LRRIQ1: variants seen among roughly 807,000 people sequenced by gnomAD.
LRRIQ1 encodes the protein leucine-rich repeat- and IQ domain-containing protein 1.
LRRIQ1 carries 210 observed loss-of-function variants against 211.9 expected under a neutral mutation model. The observed-to-expected ratio is 0.99, with a 90% CI of 0.89 to 1.11. LRRIQ1 has a LOEUF of 1.11. Ranked by LOEUF, LRRIQ1 falls within the 50% of genes most tolerant of loss-of-function variation. LRRIQ1 has a pLI of 0.00. For missense variants in LRRIQ1, 2,136 were observed against 1,939.5 expected, an observed-to-expected ratio of 1.10 and a Z score of -1.90; for synonymous variants, 699 against 650.1, an observed-to-expected ratio of 1.08 and a Z score of -1.14.
chr12:85,229,402 A>T (rs1894822848), intron 24 of LRRIQ1, 115 bp from the exon 25 acceptor site: 1 of 792,206 alleles, frequency 1.3e-6, no homozygotes, highest in African/African-American at 1.8e-5. Flanking sequence ...TTTAGCTCTC[A>T]TAAGTTAGTA....
intron 11 of LRRIQ1, among the ~76,000 whole-genome samples, chr12:85,080,566 AT>A (rs1178484948): frequency 6.6e-6 from 1 of 151,362 alleles, no homozygotes; most frequent in Non-Finnish European, 1.5e-5. Context: ...TTTTAACTCA[AT>A]TTACAGTTTC....
chr12:85,148,128 T>C (rs539255609), intron 19 of LRRIQ1, among the ~76,000 whole-genome samples: 1 of 152,004 alleles, frequency 6.6e-6, no homozygotes, highest in African/African-American at 2.4e-5. Flanking sequence ...TCCTCGGTTG[T>C]AATTTAAAGA....
At chr12:85,267,922 G>T (rs1018861084), downstream of LRRIQ1, among the ~76,000 whole-genome samples, 8 of 151,950 alleles carry the variant, frequency 5.3e-5, no homozygotes, top group African/African-American at 1.9e-4. Flanking sequence ...ATTAAGTTCA[G>T]ATTAATGTAT....
chr12:85,081,686 A>T (rs1884301014), intron 11 of LRRIQ1, among the ~76,000 whole-genome samples: 1 of 149,296 alleles, frequency 6.7e-6, no homozygotes, highest in Admixed American at 6.7e-5. Flanking sequence ...ATATTTGCTG[A>T]CATTTGTCAT....
intron 24 of LRRIQ1, among the ~76,000 whole-genome samples, chr12:85,205,231 A>T (rs1893484388): frequency 6.6e-6 from 1 of 152,292 alleles, no homozygotes; most frequent in East Asian, 1.9e-4. Flanking sequence ...AAATCCAATT[A>T]AACCTCTTTC....
At chr12:85,080,695 A>G (rs1299731640) in intron 11 of LRRIQ1, among the ~76,000 whole-genome samples, 4 of 148,450 alleles carry the variant, frequency 2.7e-5, no homozygotes, top group Non-Finnish European at 6.0e-5. Context: ...TTGACATTCA[A>G]TTTGCATTTT....
intron 14 of LRRIQ1, 41 bp from the exon 15 acceptor site, chr12:85,106,481 A>C (rs745486939): frequency 7.3e-7 from 1 of 1,362,164 alleles, no homozygotes; most frequent in Non-Finnish European, 1.0e-6. Flanking sequence ...TTTGTTCTAA[A>C]TCTGTGATGA....
intron 15 of LRRIQ1, among the ~76,000 whole-genome samples, chr12:85,109,485 T>A (rs1373245074): frequency 6.6e-6 from 1 of 152,190 alleles, no homozygotes; most frequent in African/African-American, 2.4e-5. Flanking sequence ...CTGGCATGTT[T>A]CCACGTTTTA....
intron 24 of LRRIQ1, among the ~76,000 whole-genome samples, chr12:85,192,576 A>C (rs1892600612): frequency 8.5e-6 from 1 of 117,200 alleles, no homozygotes; most frequent in Non-Finnish European, 1.6e-5. Flanking sequence ...ATATATAAAT[A>C]TATAGTTATA....
At chr12:85,176,364 G>C (rs1891698549) in intron 24 of LRRIQ1, among the ~76,000 whole-genome samples, 1 of 151,956 alleles carries the variant, frequency 6.6e-6, no homozygotes, top group African/African-American at 2.4e-5. Flanking sequence ...TTTGTATCAT[G>C]AGAGTTTGCT....
intron 7 of LRRIQ1, among the ~76,000 whole-genome samples, chr12:85,054,336 A>G (rs1221140071): frequency 6.6e-6 from 1 of 152,176 alleles, no homozygotes; most frequent in Admixed American, 6.5e-5. Flanking sequence ...CAGAGGCAAA[A>G]AGACACACCA....
Position 85,152,504 on chromosome 12 carries a change from C to T in LRRIQ1, c.4419+135C>T, listed in dbSNP as rs1295065092. The T allele has an allele frequency of 9.7e-6, 5 of 517,594 alleles. No individual in the cohort carries two copies. In the Admixed American group the frequency reaches 1.9e-4, roughly 20 times the overall value. 32.1% of individuals were successfully genotyped at this position (517,594 alleles called of 1,614,324 possible). On this transcript the variant is annotated intron_variant, in intron 20 of 26. Transcript: ENST00000393217. ...TTTTAGAAGCCTCTGACTTCCTCCT[C>T]ATCCCCAGATGTAATTTTTCATGTA...
intron 23 of LRRIQ1, among the ~76,000 whole-genome samples, chr12:85,155,654 T>C (rs1890502152): frequency 6.6e-6 from 1 of 151,636 alleles, no homozygotes; most frequent in Non-Finnish European, 1.5e-5. Context: ...AATTATGACA[T>C]AGTTGTATTC....
At position 85,056,123 on chromosome 12, in the gene LRRIQ1, G is replaced by A. The variant is rs760466325; in HGVS notation, c.1330G>A (p.Glu444Lys). The change falls in exon 8 of 27, where the codon GAA becomes AAA. Residue 444 changes from glutamate to lysine, a missense_variant. Coordinates refer to ENST00000393217, the MANE Select transcript of LRRIQ1 (RefSeq NM_001079910.2). ...AGATGTTCTCCTTTGGCTAGTTGAG[G>A]AATCAAATATGAAAGAAAATGTAGA... is the stretch of plus-strand genomic sequence containing the variant. ...QEDVLLWLVE[E>K]SNMKENVDRQ... 3.5e-5 allele frequency: 56 copies of A among 1,598,470 alleles called. No homozygotes were observed. Among genetic ancestry groups the A allele is most frequent in the Non-Finnish European group, 4.0e-5 (47 of 1,175,678 alleles).
intron 11 of LRRIQ1, among the ~76,000 whole-genome samples, chr12:85,084,521 G>A (rs543710352): frequency 7.9e-5 from 12 of 151,958 alleles, no homozygotes; most frequent in African/African-American, 1.7e-4. Flanking sequence ...TATGTTTTCC[G>A]CATAGATTTT....
chr12:85,066,466 A>G (rs1196305933), intron 9 of LRRIQ1, among the ~76,000 whole-genome samples: 2 of 151,868 alleles, frequency 1.3e-5, no homozygotes, highest in Admixed American at 6.6e-5. Flanking sequence ...ATGACAATAT[A>G]TTAACTTTTT....
intron 15 of LRRIQ1, among the ~76,000 whole-genome samples, chr12:85,110,938 A>T (rs1331949214): frequency 1.3e-5 from 2 of 152,078 alleles, no homozygotes; most frequent in African/African-American, 4.8e-5. Context: ...CACCCCTGTA[A>T]GTTGGGTTCT....
intron 24 of LRRIQ1, among the ~76,000 whole-genome samples, chr12:85,161,028 T>C (rs1373290312): frequency 6.6e-6 from 1 of 152,116 alleles, no homozygotes; most frequent in Non-Finnish European, 1.5e-5. Flanking sequence ...GTGACAGATA[T>C]ATTAACTTGT....
chr12:85,124,716 T>G (rs184435769), intron 17 of LRRIQ1, 197 bp downstream of exon 17: 2 of 507,466 alleles, frequency 3.9e-6, no homozygotes, highest in East Asian at 7.0e-5. Flanking sequence ...CATATTAATT[T>G]GATTAAATTC....
Sources: gnomAD v4.1 joint callset for allele counts (sites outside exome capture counted in the v4.1 genomes callset) on GRCh38, gnomAD v4.1.1 for gene constraint, MANE v1.5 for transcripts, NCBI Gene and HGNC (gene_info 2026-07-23, HGNC 2026-07-21) for gene names.